PCDH15: variants seen among roughly 807,000 people sequenced by gnomAD.
The protein encoded by PCDH15 is protocadherin related 15, also known as protocadherin-15.
Under a neutral mutation model 178.5 loss-of-function variants are expected in PCDH15, and 129 were observed. The ratio of observed to expected loss-of-function variants is 0.72; its 90% confidence interval spans 0.63 to 0.84. The LOEUF (loss-of-function observed/expected upper bound fraction) is 0.84. PCDH15 is among the 40% of genes least tolerant of loss of function. The pLI is 0.00. For synonymous variants in PCDH15, 800 were observed against 732.0 expected (o/e 1.09, Z -1.50); for missense variants, 2,230 against 2,099.9 (o/e 1.06, Z -1.21).
At chr10:54,399,703 C>A (rs533673733) in intron 3 of PCDH15, among the ~76,000 whole-genome samples, 63 of 152,154 alleles carry the variant, frequency 4.1e-4, no homozygotes, top group Non-Finnish European at 7.6e-4. Flanking sequence ...TCAAGCCCAG[C>A]CCAAGAGAAT....
chr10:54,708,555 G>A (rs2095391708), intron 1 of PCDH15, among the ~76,000 whole-genome samples: 1 of 152,110 alleles, frequency 6.6e-6, no homozygotes, highest in South Asian at 2.1e-4. Flanking sequence ...TTCTATTACA[G>A]CAGCCATGTG....
At chr10:54,088,315 G>A (rs115632308) in intron 16 of PCDH15, among the ~76,000 whole-genome samples, 1,977 of 152,170 alleles carry the variant, frequency 0.013, 49 homozygotes, top group African/African-American at 0.046. Flanking sequence ...AACAGTGATC[G>A]TGATCATATT....
chr10:54,507,069 T>C (rs866757705), intron 3 of PCDH15, among the ~76,000 whole-genome samples: 24 of 151,896 alleles, frequency 1.6e-4, no homozygotes, highest in African/African-American at 5.8e-4. Flanking sequence ...AATAATTACA[T>C]GGCTAATAAA....
intron 16 of PCDH15, among the ~76,000 whole-genome samples, chr10:54,088,818 C>T (rs2094554494): frequency 6.6e-6 from 1 of 152,076 alleles, no homozygotes; most frequent in Non-Finnish European, 1.5e-5. Flanking sequence ...TATCTTGACC[C>T]CTTTTTGAAA....
At chr10:54,834,408 A>C (rs948648251) in intron 3 of PCDH15, among the ~76,000 whole-genome samples, 1 of 151,724 alleles carries the variant, frequency 6.6e-6, no homozygotes, top group South Asian at 2.1e-4. Context: ...CGAACTCCTG[A>C]CCTCAGGTGA....
chr10:54,837,529 C>CT (rs1270772515), intron 3 of PCDH15, among the ~76,000 whole-genome samples: 3 of 151,968 alleles, frequency 2.0e-5, no homozygotes, highest in East Asian at 1.9e-4. Context: ...TAAACTGTTA[C>CT]TTTTTTAAAA....
At chr10:55,497,057 A>G (rs1840550514) in intron 2 of PCDH15, among the ~76,000 whole-genome samples, 1 of 151,912 alleles carries the variant, frequency 6.6e-6, no homozygotes, top group Non-Finnish European at 1.5e-5. Context: ...ACAGGCTAGA[A>G]CAAATGAATT....
chr10:54,194,706 G>C (rs1345494656), intron 11 of PCDH15, among the ~76,000 whole-genome samples: 1 of 144,540 alleles, frequency 6.9e-6, no homozygotes, highest in Non-Finnish European at 1.5e-5. Flanking sequence ...GTATGTGTAT[G>C]TATACCTGTG....
chr10:54,084,405 G>A (rs11004054), intron 16 of PCDH15, among the ~76,000 whole-genome samples: 8,005 of 151,476 alleles, frequency 0.053, 305 homozygotes, highest in East Asian at 0.21. Context: ...CCCAGGAGGC[G>A]GAGGTTGCAG....
At chr10:54,047,583 T>C (rs910883727) in intron 18 of PCDH15, among the ~76,000 whole-genome samples, 1 of 151,948 alleles carries the variant, frequency 6.6e-6, no homozygotes, top group African/African-American at 2.4e-5. Context: ...GTCTCTTCTC[T>C]AGTAGTCCCT....
At chr10:54,806,990 C>T (rs538365378) in intron 3 of PCDH15, among the ~76,000 whole-genome samples, 1 of 152,306 alleles carries the variant, frequency 6.6e-6, no homozygotes, top group East Asian at 1.9e-4. Flanking sequence ...GACTGATATC[C>T]TATCACCTTT....
intron 26 of PCDH15, 141 bp from the exon 27 acceptor site, chr10:53,866,998 T>C: frequency 1.5e-6 from 1 of 647,306 alleles, no homozygotes; most frequent in East Asian, 2.8e-5. Context: ...CTGTTTTTTC[T>C]GGATATAGTT....
intron 2 of PCDH15, among the ~76,000 whole-genome samples, chr10:54,600,987 A>T (rs1229085528): frequency 6.6e-6 from 1 of 151,980 alleles, no homozygotes. Context: ...AAAAACAATA[A>T]ATGAAACACA....
intron 11 of PCDH15, among the ~76,000 whole-genome samples, chr10:54,185,738 T>C (rs2048424280): frequency 6.6e-6 from 1 of 152,040 alleles, no homozygotes; most frequent in South Asian, 2.1e-4. Context: ...TTCTTACTTA[T>C]AATGCAAAAT....
chr10:55,590,597 T>A (rs1446438976), intron 2 of PCDH15, among the ~76,000 whole-genome samples: 1 of 152,150 alleles, frequency 6.6e-6, no homozygotes, highest in Non-Finnish European at 1.5e-5. Context: ...CAAAAACAGA[T>A]GGATGCTGAT....
At chr10:55,433,501 T>C (rs1320568290) in intron 2 of PCDH15, among the ~76,000 whole-genome samples, 1 of 152,038 alleles carries the variant, frequency 6.6e-6, no homozygotes, top group African/African-American at 2.4e-5. Flanking sequence ...CAAAATAATC[T>C]GAACACCAAA....
At chr10:55,172,975 A>T (rs1458205701) in intron 1 of PCDH15, among the ~76,000 whole-genome samples, 1 of 152,046 alleles carries the variant, frequency 6.6e-6, no homozygotes, top group Non-Finnish European at 1.5e-5. Context: ...TGCAAATTTA[A>T]GCAAGTCAGC....
chr10:55,547,331 CAT>C (rs1841906310), intron 2 of PCDH15, among the ~76,000 whole-genome samples: 1 of 152,108 alleles, frequency 6.6e-6, no homozygotes, highest in Non-Finnish European at 1.5e-5. Context: ...AACATACACA[CAT>C]TAGAGTAAGA....
At chr10:54,804,795 A>G (rs1053289147), upstream of PCDH15, among the ~76,000 whole-genome samples, 2 of 151,438 alleles carry the variant, frequency 1.3e-5, no homozygotes, top group Non-Finnish European at 1.5e-5. Flanking sequence ...TACCATAAAC[A>G]TTTGTGTTCA....
Sources: gnomAD v4.1 joint callset for allele counts (sites outside exome capture counted in the v4.1 genomes callset) on GRCh38, gnomAD v4.1.1 for gene constraint, MANE v1.5 for transcripts, NCBI Gene and HGNC (gene_info 2026-07-23, HGNC 2026-07-21) for gene names.